NUP58: variants seen among roughly 807,000 people sequenced by gnomAD.
NUP58 encodes the protein nucleoporin p58/p45.
NUP58 carries 17 observed loss-of-function variants against 70.1 expected under a neutral mutation model. The ratio of observed to expected loss-of-function variants is 0.24; its 90% CI spans 0.17 to 0.36. The LOEUF (loss-of-function observed/expected upper bound fraction) is 0.36. Among genes scored for constraint, NUP58 ranks in the 10% least tolerant of loss-of-function variants. NUP58 has a pLI of 1.00. For missense variants in NUP58, 644 were observed against 701.5 expected (o/e 0.92, Z 0.93); for synonymous variants, 275 against 257.6 (o/e 1.07, Z -0.65).
intron 3 of NUP58, chr13:25,309,543 A>G: frequency 2.8e-6 from 1 of 355,740 alleles, no homozygotes; most frequent in Non-Finnish European, 5.0e-6. Flanking sequence ...TTTATTTCAT[A>G]TTACTTTTTT....
rs775016234 is a variant in NUP58, at chr13:25,321,002, T to C, written c.860T>C (p.Ile287Thr). 2 of 1,600,598 alleles carry C rather than the reference T, an allele frequency of 1.2e-6. No homozygotes were observed. Among genetic ancestry groups the C allele is most frequent in the Admixed American group, 3.5e-5 (2 of 56,960 alleles). ...SKAMLKVQED[I>T]KALKQLLSLA... ...GCAATGCTTAAGGTACAAGAAGATATTAAAGCTCTGAAGCAGCTCCTGTCG... is the reference window on the plus strand; with the variant it reads ...GCAATGCTTAAGGTACAAGAAGATACTAAAGCTCTGAAGCAGCTCCTGTCG... The change falls in exon 9 of 16, where the codon ATT (isoleucine) becomes ACT (threonine). Residue 287 changes from isoleucine (I) to threonine (T), a missense_variant. Coordinates refer to ENST00000381736, the MANE Select transcript of NUP58 (RefSeq NM_014089.4).
intron 5 of NUP58, among the ~76,000 whole-genome samples, chr13:25,314,213 G>A (rs1326851322): frequency 6.6e-6 from 1 of 152,086 alleles, no homozygotes; most frequent in African/African-American, 2.4e-5. Context: ...GATTACAGGC[G>A]TAAGCCACCG....
At chr13:25,306,048 T>G in intron 1 of NUP58, among the ~76,000 whole-genome samples, 2 of 152,268 alleles carry the variant, frequency 1.3e-5, no homozygotes, top group Middle Eastern at 3.4e-3. Flanking sequence ...TCCCTAATGA[T>G]AACAGTCATA....
chr13:25,344,412 G>A (rs8001530), downstream of NUP58, among the ~76,000 whole-genome samples: 954 of 152,222 alleles, frequency 6.3e-3, 13 homozygotes, highest in African/African-American at 0.021. Flanking sequence ...TGTAACCCCT[G>A]ACACCTGAGA....
downstream of NUP58, among the ~76,000 whole-genome samples, chr13:25,346,565 C>A (rs2032052790): frequency 6.6e-6 from 1 of 151,844 alleles, no homozygotes; most frequent in Non-Finnish European, 1.5e-5. Flanking sequence ...ACTAAAAATA[C>A]AAAAATTAGC....
At position 25,308,216 on chromosome 13, in the gene NUP58, G is replaced by A. The variant is rs562158380; in HGVS notation, c.250+268G>A. On this transcript the variant is annotated intron_variant, in intron 2 of 15. Transcript: ENST00000381736. ...ATATAATGTAGTGTTTTTCCTTAGT[G>A]GAGATTGTGGTTTAAGCCAGCTTTA... 7.4e-5 allele frequency: 20 copies of A among 269,308 alleles called. No homozygotes were observed. In the South Asian group the frequency reaches 2.4e-3, roughly 33 times the overall value. 16.7% of individuals were successfully genotyped at this position (269,308 alleles called of 1,614,324 possible).
Position 25,309,324 on chromosome 13 carries a change from A to G in NUP58, c.286+42A>G, listed in dbSNP as rs552829622. 6 of 1,390,736 alleles carry G rather than the reference A, an allele frequency of 4.3e-6. No individual in the cohort carries two copies. In the South Asian group the frequency reaches 4.8e-5, roughly 11 times the overall value. 86.1% of individuals were successfully genotyped at this position (1,390,736 alleles called of 1,614,324 possible). A position where few individuals can be genotyped will look rare whatever the true frequency, so the allele number is the denominator to read the frequency against. On this transcript the variant is annotated intron_variant, in intron 3 of 15. Coordinates refer to ENST00000381736, the MANE Select transcript of NUP58 (RefSeq NM_014089.4). ...AAAGATCCCAGCTCTGTGGTCTTCT[A>G]ATAATTTTAATAAATTGAGTGATCT...
At chr13:25,330,194 A>G (rs2031554387) in intron 12 of NUP58, among the ~76,000 whole-genome samples, 1 of 152,172 alleles carries the variant, frequency 6.6e-6, no homozygotes, top group Non-Finnish European at 1.5e-5. Flanking sequence ...CATTATCTGA[A>G]GTAGAACTAA....
chr13:25,319,238 C>G, intron 6 of NUP58, 88 bp from the exon 7 acceptor site: 1 of 1,095,176 alleles, frequency 9.1e-7, no homozygotes, highest in Non-Finnish European at 1.4e-6. Flanking sequence ...TATATTTATA[C>G]TTTAATTTGT....
intron 9 of NUP58, among the ~76,000 whole-genome samples, chr13:25,322,400 G>A (rs2031223256): frequency 6.6e-6 from 1 of 152,122 alleles, no homozygotes; most frequent in African/African-American, 2.4e-5. Flanking sequence ...AGACTTCCTG[G>A]TCTCTTAACA....
At chr13:25,320,849 GTA>G (rs2031149582) in intron 8 of NUP58, 68 bp from the exon 9 acceptor site, 23 of 1,008,684 alleles carry the variant, frequency 2.3e-5, no homozygotes, top group Admixed American at 3.2e-5. Flanking sequence ...ACTGTTTTAA[GTA>G]TATATATATT....
chr13:25,315,020 C>T (rs1460222945), intron 5 of NUP58, among the ~76,000 whole-genome samples: 2 of 152,070 alleles, frequency 1.3e-5, no homozygotes, highest in Non-Finnish European at 2.9e-5. Context: ...TGAAAATACA[C>T]CAACTGAAAC....
intron 13 of NUP58, chr13:25,335,119 C>T (rs538847350): frequency 6.1e-6 from 6 of 985,134 alleles, no homozygotes; most frequent in Admixed American, 6.2e-5. Context: ...CATTTGCCTA[C>T]GAGTTTTATA....
At chr13:25,334,418 G>A in intron 13 of NUP58, 1 of 985,324 alleles carries the variant, frequency 1.0e-6, no homozygotes, top group East Asian at 1.1e-4. Flanking sequence ...AAGACGTTTT[G>A]TTAGGAATTC....
intron 12 of NUP58, among the ~76,000 whole-genome samples, chr13:25,330,766 A>G (rs9551193): frequency 0.7 from 106,216 of 151,944 alleles, 42,385 homozygotes; most frequent in Non-Finnish European, 0.91. Context: ...TTTAACATGA[A>G]TCAAGTCTCA....
At chr13:25,336,517 A>T (rs1320098554) in intron 13 of NUP58, among the ~76,000 whole-genome samples, 6 of 152,076 alleles carry the variant, frequency 3.9e-5, no homozygotes, top group Non-Finnish European at 8.8e-5. Flanking sequence ...GAGCTCGATT[A>T]AAAAAAGTAA....
intron 12 of NUP58, among the ~76,000 whole-genome samples, chr13:25,330,008 T>C (rs2031547336): frequency 2.0e-5 from 3 of 152,080 alleles, no homozygotes; most frequent in Non-Finnish European, 2.9e-5. Context: ...TTTTAACTTT[T>C]TGTAGAGAGG....
rs190772169 is a variant in NUP58, at chr13:25,328,246, C to T, written c.1233+734C>T. Among the ~76,000 whole-genome samples, 27 of 152,082 alleles carry T rather than the reference C, an allele frequency of 1.8e-4. 2 individuals carry two copies. Among genetic ancestry groups the T allele is most frequent in the Admixed American group, 1.8e-3 (27 of 15,266 alleles). On this transcript the variant is annotated intron_variant, in intron 12 of 15. Transcript: ENST00000381736. ...CTTAGTAGCAAATGATTTTGTACTA[C>T]CTTAATTTTATCTGTTTTAAGTGTT...
At chr13:25,305,130 G>GTTTTTTTT (rs562132125) in intron 1 of NUP58, among the ~76,000 whole-genome samples, 30 of 58,568 alleles carry the variant, frequency 5.1e-4, no homozygotes, top group African/African-American at 1.2e-3. Context: ...GATCTGTGGG[G>GTTTTTTTT]TTTTTTTTTT....
Sources: gnomAD v4.1 joint callset for allele counts (sites outside exome capture counted in the v4.1 genomes callset) on GRCh38, gnomAD v4.1.1 for gene constraint, MANE v1.5 for transcripts, NCBI Gene and HGNC (gene_info 2026-07-23, HGNC 2026-07-21) for gene names.